The following UBE2QL1 variants were observed in gnomAD, a reference collection of about 807,000 sequenced individuals.
UBE2QL1 encodes ubiquitin-conjugating enzyme E2Q-like protein 1.
Under a neutral mutation model 12.6 loss-of-function variants are expected in UBE2QL1, and 5 were observed. The observed-to-expected ratio is 0.40, with a 90% CI of 0.21 to 0.83. The LOEUF (loss-of-function observed/expected upper bound fraction) is 0.83, where lower values mean the gene tolerates loss of function less well. Ranked by LOEUF, UBE2QL1 falls within the 40% of genes least tolerant of loss-of-function variation. The pLI is 0.37. For synonymous variants in UBE2QL1, 96 were observed against 94.5 expected, an observed-to-expected ratio of 1.02 and a Z score of -0.10; for missense variants, 99 against 222.6, an observed-to-expected ratio of 0.44 and a Z score of 3.53.
intron 1 of UBE2QL1, among the ~76,000 whole-genome samples, chr5:6,488,457 CAA>C (rs200680109): frequency 0.026 from 3,671 of 139,444 alleles, 171 homozygotes; most frequent in African/African-American, 0.086. Context: ...GCATTTTCGC[CAA>C]AAAAAAAAAA....
rs564381290 is a variant in UBE2QL1 at position 6,496,182 on chromosome 5, A to G, written c.*4833A>G. On this transcript the variant is annotated 3_prime_UTR_variant, in exon 2 of 2. Coordinates refer to ENST00000399816, the MANE Select transcript of UBE2QL1 (RefSeq NM_001145161.3). ...ATCCCTGCACTGCCCCCAACCGCCAATTCACCCTGTGTCTCTCGCAGAATT... is the reference window on the plus strand; with the variant it reads ...ATCCCTGCACTGCCCCCAACCGCCAGTTCACCCTGTGTCTCTCGCAGAATT... 1.1e-3 allele frequency among the ~76,000 whole-genome samples: 160 copies of G among 152,256 alleles called. 1 individual carries two copies. Among genetic ancestry groups the G allele is most frequent in the African/African-American group, 3.7e-3 (153 of 41,562 alleles).
chr5:6,451,786 A>G (rs1164453429), intron 1 of UBE2QL1, among the ~76,000 whole-genome samples: 1 of 152,234 alleles, frequency 6.6e-6, no homozygotes, highest in Non-Finnish European at 1.5e-5. Flanking sequence ...AGGTAACCTG[A>G]GGTTGATTGT....
chr5:6,484,833 C>G (rs758510437), intron 1 of UBE2QL1, among the ~76,000 whole-genome samples: 2 of 151,808 alleles, frequency 1.3e-5, no homozygotes, highest in Non-Finnish European at 2.9e-5. Context: ...CTGACAGATT[C>G]GGAACCCACC....
intron 1 of UBE2QL1, among the ~76,000 whole-genome samples, chr5:6,483,483 C>A (rs769323631): frequency 1.3e-5 from 2 of 151,840 alleles, no homozygotes; most frequent in South Asian, 2.1e-4. Flanking sequence ...ATGTGATGCA[C>A]GGCAGGTGTG....
rs139899606 is a variant in UBE2QL1 at position 6,455,038 on chromosome 5, G to C, written c.354+5791G>C. Among the ~76,000 whole-genome samples, 266 of 152,314 alleles carry C rather than the reference G, an allele frequency of 1.7e-3. 1 individual carries two copies. Among genetic ancestry groups the C allele is most frequent in the African/African-American group, 6.2e-3 (259 of 41,576 alleles). ...CCCGGGGTGCATGGGGCAGCTCCTG[G>C]TAGAAGCTACTTTTACTTCACCATG... On this transcript the variant is annotated intron_variant, in intron 1 of 1. Transcript: ENST00000399816.
intron 1 of UBE2QL1, among the ~76,000 whole-genome samples, chr5:6,468,125 C>G (rs1489894175): frequency 6.6e-6 from 1 of 152,168 alleles, no homozygotes; most frequent in East Asian, 1.9e-4. Context: ...ATAAACCTCC[C>G]CCGTCCCTGT....
At chr5:6,449,878 CA>C (rs1560925343) in intron 1 of UBE2QL1, among the ~76,000 whole-genome samples, 30 of 135,452 alleles carry the variant, frequency 2.2e-4, no homozygotes, top group African/African-American at 8.0e-4. Context: ...ACCCCCCCCA[CA>C]CACACACACA....
rs942603419 is a variant in UBE2QL1 at position 6,490,264 on chromosome 5, G to A, written c.355-954G>A. ...GTCCAACTGAGGCCAGCATCACCCC[G>A]ACTCCTGGTTGTCTTCCATCTGCTC... On this transcript the variant is annotated intron_variant, in intron 1 of 1. Coordinates refer to ENST00000399816, the MANE Select transcript of UBE2QL1 (RefSeq NM_001145161.3). 3.3e-5 allele frequency among the ~76,000 whole-genome samples: 5 copies of A among 152,340 alleles called. No homozygotes were observed. The East Asian group carries it at 5.8e-4, about 18-fold the overall frequency.
chr5:6,452,967 G>C (rs1229326853), intron 1 of UBE2QL1, among the ~76,000 whole-genome samples: 2 of 152,172 alleles, frequency 1.3e-5, no homozygotes, highest in Non-Finnish European at 2.9e-5. Flanking sequence ...GCATCGCCAG[G>C]GGCAGGGAAC....
At chr5:6,490,816 C>T (rs1356501557) in intron 1 of UBE2QL1, among the ~76,000 whole-genome samples, 8 of 152,104 alleles carry the variant, frequency 5.3e-5, no homozygotes, top group African/African-American at 1.7e-4. Flanking sequence ...AAAGGAAGTT[C>T]GAACAGTATA....
Position 6,478,301 on chromosome 5 carries a change from A to G in UBE2QL1, c.355-12917A>G, listed in dbSNP as rs1161104330. Among the ~76,000 whole-genome samples, 1 of 152,214 alleles carries G rather than the reference A, an allele frequency of 6.6e-6. No individual in the cohort carries two copies. The highest frequency in any genetic ancestry group is 2.4e-5 in the African/African-American group (1 of 41,460). On this transcript the variant is annotated intron_variant, in intron 1 of 1. Transcript: ENST00000399816. The surrounding 1 kb of genome is among the most constrained non-coding windows in gnomAD (Gnocchi z 4.5). ...TCTAGTGCTGAGCATGCTGTATGAC[A>G]TGAGCTTTCTCTGTCATTGTAAGTA...
At chr5:6,458,785 A>C (rs1307761081) in intron 1 of UBE2QL1, among the ~76,000 whole-genome samples, 1 of 152,256 alleles carries the variant, frequency 6.6e-6, no homozygotes, top group Non-Finnish European at 1.5e-5. Context: ...GTGAGTTACA[A>C]GCTTAAATTA....
chr5:6,495,177 C>T lies in UBE2QL1; in HGVS notation c.*3828C>T, dbSNP rs1734645680. ...CCCTGAACGGGAGAACTGGAGTCCCCTTGCCACCTCTCACCTGCAGAGTCC... is the reference window on the plus strand; with the variant it reads ...CCCTGAACGGGAGAACTGGAGTCCCTTTGCCACCTCTCACCTGCAGAGTCC... On this transcript the variant is annotated 3_prime_UTR_variant, in exon 2 of 2. Coordinates refer to ENST00000399816, the MANE Select transcript of UBE2QL1 (RefSeq NM_001145161.3). Among the ~76,000 whole-genome samples the T allele has an allele frequency of 6.6e-6, 1 of 152,138 alleles. No individual in the cohort carries two copies. Among genetic ancestry groups the T allele is most frequent in the South Asian group, 2.1e-4 (1 of 4,834 alleles).
intron 1 of UBE2QL1, among the ~76,000 whole-genome samples, chr5:6,450,315 T>C (rs1739388773): frequency 6.6e-6 from 1 of 152,288 alleles, no homozygotes; most frequent in Admixed American, 6.5e-5. Context: ...CTCCTGAGCC[T>C]TCTCACCTAT....
intron 1 of UBE2QL1, among the ~76,000 whole-genome samples, chr5:6,473,491 C>G (rs942879626): frequency 1.3e-5 from 2 of 152,236 alleles, no homozygotes; most frequent in Admixed American, 6.5e-5. Context: ...TCACCACCCA[C>G]TGGCCAGAAC....
chr5:6,457,118 A>G (rs998338487), intron 1 of UBE2QL1, among the ~76,000 whole-genome samples: 1 of 151,772 alleles, frequency 6.6e-6, no homozygotes. Flanking sequence ...ACATCTGGTT[A>G]TGAACCTTAT....
intron 1 of UBE2QL1, among the ~76,000 whole-genome samples, chr5:6,453,614 T>C (rs2126321007): frequency 6.6e-6 from 1 of 152,272 alleles, no homozygotes; most frequent in Admixed American, 6.5e-5. Flanking sequence ...CTCAGCTTTG[T>C]GAAATGATAT....
chr5:6,496,427 T>C lies in UBE2QL1; in HGVS notation c.*5078T>C, dbSNP rs143298914. Among the ~76,000 whole-genome samples the C allele has an allele frequency of 2.6e-3, 390 of 152,330 alleles. No homozygotes were observed. The highest frequency in any genetic ancestry group is 4.4e-3 in the Non-Finnish European group (301 of 68,030). Reference sequence around the variant, plus strand: ...CTTCATTTCATGAATGTGGTTGCCATTATGACAGTGCTAGGATGCTGATCT... The same window carrying C: ...CTTCATTTCATGAATGTGGTTGCCACTATGACAGTGCTAGGATGCTGATCT... On this transcript the variant is annotated 3_prime_UTR_variant, in exon 2 of 2. Transcript: ENST00000399816.
intron 1 of UBE2QL1, among the ~76,000 whole-genome samples, chr5:6,490,468 G>T (rs1001758667): frequency 6.6e-6 from 1 of 152,218 alleles, no homozygotes; most frequent in South Asian, 2.1e-4. Context: ...AGCAGAACAC[G>T]CCTGGTCACT....
Sources: gnomAD v4.1 joint callset for allele counts (sites outside exome capture counted in the v4.1 genomes callset) on GRCh38, gnomAD v4.1.1 for gene constraint, Gnocchi (gnomAD v3.1) non-coding constraint, MANE v1.5 for transcripts, NCBI Gene and HGNC (gene_info 2026-07-23, HGNC 2026-07-21) for gene names.